Variants in CRIM1 observed in about 807,000 individuals in gnomAD.
CRIM1 encodes the protein cysteine-rich motor neuron 1 protein.
Under a neutral mutation model 116.4 loss-of-function variants are expected in CRIM1, and 32 were observed. The ratio of observed to expected loss-of-function variants is 0.27; its 90% CI spans 0.21 to 0.37. The LOEUF is 0.37. Ranked by LOEUF, CRIM1 falls within the 10% of genes least tolerant of loss-of-function variation. CRIM1 has a pLI of 1.00. For missense variants in CRIM1, 1,331 were observed against 1,354.8 expected, an observed-to-expected ratio of 0.98 and a Z score of 0.28; for synonymous variants, 590 against 509.2, an observed-to-expected ratio of 1.16 and a Z score of -2.13.
At chr2:36,434,269 G>T (rs1321059633) in intron 2 of CRIM1, among the ~76,000 whole-genome samples, 4 of 152,228 alleles carry the variant, frequency 2.6e-5, no homozygotes, top group African/African-American at 9.7e-5. Flanking sequence ...AAGTGAAATA[G>T]AACAGCCAGC....
At chr2:36,366,138 A>G (rs1479182349) in intron 1 of CRIM1, among the ~76,000 whole-genome samples, 1 of 152,256 alleles carries the variant, frequency 6.6e-6, no homozygotes, top group African/African-American at 2.4e-5. Context: ...TAAATTGGCT[A>G]TTGTAGAACA....
intron 16 of CRIM1, 109 bp from the exon 17 acceptor site, chr2:36,548,416 G>GCATT (rs1186282479): frequency 6.7e-6 from 5 of 741,816 alleles, no homozygotes; most frequent in Non-Finnish European, 1.1e-5. Context: ...ATCAATCAAT[G>GCATT]AATTGTGAAA....
intron 13 of CRIM1, among the ~76,000 whole-genome samples, chr2:36,535,162 AAGG>A (rs1279685769): frequency 3.2e-5 from 4 of 123,920 alleles, no homozygotes; most frequent in Admixed American, 1.6e-4. Context: ...AGGGGGAAGG[AAGG>A]AGGACAGGAG....
At chr2:36,408,926 C>G (rs17018736) in intron 2 of CRIM1, among the ~76,000 whole-genome samples, 4,792 of 151,602 alleles carry the variant, frequency 0.032, 196 homozygotes, top group East Asian at 0.092. Flanking sequence ...GGTAAGGAAT[C>G]TCTATTAGAC....
At chr2:36,426,993 G>A (rs1330605905) in intron 2 of CRIM1, among the ~76,000 whole-genome samples, 2 of 152,022 alleles carry the variant, frequency 1.3e-5, no homozygotes, top group African/African-American at 4.8e-5. Flanking sequence ...ACGAGGTCAG[G>A]AATTCAAGAC....
At chr2:36,538,346 CA>C (rs1666701186) in intron 14 of CRIM1, among the ~76,000 whole-genome samples, 1 of 152,188 alleles carries the variant, frequency 6.6e-6, no homozygotes, top group African/African-American at 2.4e-5. Flanking sequence ...CCTAGACACA[CA>C]GATTTCCCGG....
At chr2:36,420,689 C>T (rs1053421020) in intron 2 of CRIM1, among the ~76,000 whole-genome samples, 12 of 152,094 alleles carry the variant, frequency 7.9e-5, no homozygotes, top group African/African-American at 2.7e-4. Flanking sequence ...TAAGAGTTTG[C>T]CAGCTGGGGA....
chr2:36,451,454 A>G (rs1485392876), intron 4 of CRIM1, among the ~76,000 whole-genome samples: 1 of 152,240 alleles, frequency 6.6e-6, no homozygotes, highest in Non-Finnish European at 1.5e-5. Context: ...AAGCACATAT[A>G]CATATGGAAC....
intron 1 of CRIM1, among the ~76,000 whole-genome samples, chr2:36,392,881 G>T (rs1022089652): frequency 2.0e-5 from 3 of 152,226 alleles, no homozygotes; most frequent in Non-Finnish European, 2.9e-5. Flanking sequence ...TTTAGAGTCA[G>T]TGATGCTTCC....
chr2:36,358,636 G>A (rs1468590950), intron 1 of CRIM1, among the ~76,000 whole-genome samples: 5 of 152,150 alleles, frequency 3.3e-5, no homozygotes, highest in South Asian at 4.1e-4. Context: ...CACCCTGTGT[G>A]CTTGGTATTC....
intron 13 of CRIM1, among the ~76,000 whole-genome samples, chr2:36,530,864 C>A (rs1450021917): frequency 6.6e-6 from 1 of 152,150 alleles, no homozygotes; most frequent in Non-Finnish European, 1.5e-5. Flanking sequence ...ACACTGGGCT[C>A]ATCCATTTGG....
intron 2 of CRIM1, among the ~76,000 whole-genome samples, chr2:36,415,369 A>G (rs1237552628): frequency 6.6e-6 from 1 of 152,242 alleles, no homozygotes; most frequent in South Asian, 2.1e-4. Flanking sequence ...CCTGGAACAC[A>G]TCAGTAAAAT....
intron 1 of CRIM1, among the ~76,000 whole-genome samples, chr2:36,364,444 A>G (rs749074991): frequency 1.7e-4 from 26 of 152,198 alleles, no homozygotes; most frequent in Admixed American, 3.3e-4. Flanking sequence ...ATTCATTACA[A>G]TCAGTTCAGT....
At chr2:36,372,888 CATAATGAACAGTG>C (rs1187694401) in intron 1 of CRIM1, among the ~76,000 whole-genome samples, 2 of 152,126 alleles carry the variant, frequency 1.3e-5, no homozygotes, top group Non-Finnish European at 2.9e-5. Context: ...TCTGGTTGTC[CATAATGAACAGTG>C]GCAATGAACA....
At chr2:36,461,922 T>G (rs991365508) in intron 4 of CRIM1, among the ~76,000 whole-genome samples, 2 of 152,196 alleles carry the variant, frequency 1.3e-5, no homozygotes, top group African/African-American at 4.8e-5. Flanking sequence ...CCTTTTGTGG[T>G]TCTTTCATCA....
chr2:36,451,221 A>G (rs1676694207), intron 4 of CRIM1, among the ~76,000 whole-genome samples: 1 of 152,218 alleles, frequency 6.6e-6, no homozygotes, highest in African/African-American at 2.4e-5. Context: ...GAGTCTTAAC[A>G]TCTTACAGAT....
intron 2 of CRIM1, among the ~76,000 whole-genome samples, chr2:36,399,916 T>C (rs1306464562): frequency 3.3e-5 from 5 of 152,196 alleles, no homozygotes; most frequent in African/African-American, 1.2e-4. Context: ...TAGGGAAATG[T>C]AGTAGGGTCA....
At chr2:36,462,172 T>A (rs1010659165) in intron 4 of CRIM1, among the ~76,000 whole-genome samples, 40 of 152,158 alleles carry the variant, frequency 2.6e-4, no homozygotes, top group Admixed American at 2.6e-3. Context: ...CTTCAGCTCT[T>A]CTGTAGCCTG....
chr2:36,415,913 A>G (rs999585583), intron 2 of CRIM1, among the ~76,000 whole-genome samples: 1 of 152,238 alleles, frequency 6.6e-6, no homozygotes, highest in African/African-American at 2.4e-5. Flanking sequence ...GATTTAAAAA[A>G]ATAATGGATT....
Sources: allele counts gnomAD v4.1 joint callset (sites outside exome capture counted in the v4.1 genomes callset), GRCh38; gene constraint gnomAD v4.1.1; transcripts MANE v1.5; gene names NCBI Gene and HGNC (gene_info 2026-07-23, HGNC 2026-07-21).